PIGT: variants seen among roughly 807,000 people sequenced by gnomAD.
PIGT encodes GPI-anchor transamidase component PIGT.
PIGT carries 57 observed loss-of-function variants against 66.7 expected under a neutral mutation model. That is an observed-to-expected ratio of 0.86 (90% CI 0.69 to 1.07). The LOEUF (loss-of-function observed/expected upper bound fraction) is 1.07, where lower values mean the gene tolerates loss of function less well. Among genes scored for constraint, PIGT ranks in the 50% least tolerant of loss-of-function variants. The pLI is 0.00. For missense variants in PIGT, 725 were observed against 740.4 expected (o/e 0.98, Z 0.24); for synonymous variants, 362 against 320.5 (o/e 1.13, Z -1.38).
intron 9 of PIGT, chr20:45,422,998 G>T (rs1990464646): frequency 6.6e-6 from 1 of 151,042 alleles, no homozygotes; most frequent in Non-Finnish European, 1.5e-5. Context: ...CTTGAGTCCA[G>T]GAGTTCGAAA....
Position 45,420,377 on chromosome 20 carries a change from G to GC in PIGT, c.820dup (p.Leu274ProfsTer46). Reference sequence around the variant, plus strand: ...TTCTCCCGAACCCTCACGGAGCCCTGCCCCCTGGCTTCAGAGAGCCGAGTC... The same window carrying GC: ...TTCTCCCGAACCCTCACGGAGCCCTGCCCCCCTGGCTTCAGAGAGCCGAGTC... On this transcript the variant is annotated frameshift_variant, in exon 7 of 12. Transcript: ENST00000279036. LOFTEE classifies it high-confidence loss of function. 1 of 1,613,574 alleles carries GC rather than the reference G, an allele frequency of 6.2e-7. No homozygotes were observed. The highest frequency in any genetic ancestry group is 8.5e-7 in the Non-Finnish European group (1 of 1,179,900).
Position 45,416,577 on chromosome 20 carries a change from G to A in PIGT, c.248G>A (p.Arg83Gln), listed in dbSNP as rs753279974. 6.2e-7 allele frequency: 1 copy of A among 1,614,152 alleles called. No individual in the cohort carries two copies. The highest frequency in any genetic ancestry group is 8.5e-7 in the Non-Finnish European group (1 of 1,180,012). ...CAGCTGATCTCCAAGTATTCTCTAC[G>A]GGAGCTGCACCTGTCATTCACACAA... The part of the protein sequence containing the change: ...LGQLISKYSL[R>Q]ELHLSFTQGF... The change falls in exon 2 of 12, where the codon CGG (arginine) becomes CAG (glutamine). Residue 83 changes from arginine to glutamine, a missense_variant. Transcript: ENST00000279036.
In PIGT at chr20:45,424,366, A is replaced by G; in HGVS notation, c.1385A>G (p.His462Arg). 2 of 1,614,026 alleles carry G rather than the reference A, an allele frequency of 1.2e-6. No homozygotes were observed. Among genetic ancestry groups the G allele is most frequent in the Non-Finnish European group, 1.7e-6 (2 of 1,180,018 alleles). ...KWTEYTPDPNHGFYVSPSVLS... is the reference protein window; with the variant it reads ...KWTEYTPDPNRGFYVSPSVLS... Reference sequence around the variant, plus strand: ...ACCGAGTACACGCCAGATCCTAACCATGGCTTCTATGTCAGGTGGGCTCCA... The same window carrying G: ...ACCGAGTACACGCCAGATCCTAACCGTGGCTTCTATGTCAGGTGGGCTCCA... Residue 462 changes from histidine (H) to arginine (R), a missense_variant, in exon 10 of 12, where the codon CAT becomes CGT. Physicochemically the swap from His to Arg is conservative, Grantham distance 29. Around this residue, in one of 3 missense-constraint regions of PIGT, gnomAD observed 162 missense variants for 171.1 expected, o/e 0.95. Coordinates refer to ENST00000279036, the MANE Select transcript of PIGT (RefSeq NM_015937.6).
chr20:45,423,831 G>A (rs1990539479), intron 9 of PIGT: 1 of 235,338 alleles, frequency 4.2e-6, no homozygotes. Context: ...TATATTTCTT[G>A]TGTGTTGGTG....
chr20:45,416,158 TGGC>T lies in PIGT; in HGVS notation c.9_11del (p.Ala4?), dbSNP rs775389368. 6.4e-7 allele frequency: 1 copy of T among 1,558,212 alleles called. No homozygotes were observed. Among genetic ancestry groups the T allele is most frequent in the Non-Finnish European group, 8.7e-7 (1 of 1,153,502 alleles). ...GGGTAGGCGGAAGTAGCCGCAGGCATGGCGGCGGCTATGCCGCTTGCTCTGCTC... is the reference window on the plus strand; with the variant it reads ...GGGTAGGCGGAAGTAGCCGCAGGCATGGCGGCTATGCCGCTTGCTCTGCTC... On this transcript the variant is annotated start_lost and inframe_deletion, in exon 1 of 12. Coordinates refer to ENST00000279036, the MANE Select transcript of PIGT (RefSeq NM_015937.6).
chr20:45,425,885 G>A lies in PIGT; in HGVS notation c.*59G>A. 6.4e-7 allele frequency: 1 copy of A among 1,569,686 alleles called. No homozygotes were observed. The highest frequency in any genetic ancestry group is 8.6e-7 in the Non-Finnish European group (1 of 1,158,262). ...TCTCTCTGGGGAGGGGAGCCCAAGG[G>A]CTGTTTCTGCCACTTGCTCTCCTCA... On this transcript the variant is annotated 3_prime_UTR_variant, in exon 12 of 12. Transcript: ENST00000279036.
Position 45,418,927 on chromosome 20 carries a change from CA to C in PIGT, c.442del (p.Thr148ProfsTer58), listed in dbSNP as rs1384484646. The C allele has an allele frequency of 6.2e-7, 1 of 1,614,114 alleles. No individual in the cohort carries two copies. The highest frequency in any genetic ancestry group is 1.3e-5 in the African/African-American group (1 of 75,034). ...GCGCCTCTCTCAACTTCATCGACTC[CA>C]CCAACACAGTCACTCCCACTGCCTC... ...FCASLNFIDS[T>X]NTVTPTASFK... On this transcript the variant is annotated frameshift_variant, in exon 3 of 12. Transcript: ENST00000279036. LOFTEE classifies it high-confidence loss of function.
chr20:45,418,712 G>T, intron 2 of PIGT, 140 bp from the exon 3 acceptor site: 2 of 1,053,618 alleles, frequency 1.9e-6, no homozygotes, highest in Non-Finnish European at 2.9e-6. Context: ...GGGCAGCAAT[G>T]TTCCAGCTCC....
intron 2 of PIGT, chr20:45,417,143 A>G (rs1990033602): frequency 1.3e-5 from 2 of 153,666 alleles, no homozygotes; most frequent in African/African-American, 4.8e-5. Flanking sequence ...CCTACTACAA[A>G]CCGCTATTTC....
Position 45,419,511 on chromosome 20 carries a change from T to C in PIGT, c.602T>C (p.Leu201Pro), listed in dbSNP as rs1555876854. The change falls in exon 5 of 12, where the codon CTC (leucine) becomes CCC (proline). Residue 201 changes from leucine (L) to proline (P), a missense_variant. Physicochemically the swap from Leu to Pro is moderately conservative, Grantham distance 98. This residue lies in a region of PIGT where 559 missense variants were observed against 552.7 expected (regional missense o/e 1.01). Transcript: ENST00000279036. Reference protein sequence around the residue: ...KLLPCSSKAGLSVLLKADRLF... With the variant: ...KLLPCSSKAGPSVLLKADRLF... The stretch of plus-strand genomic sequence containing the variant: ...TCTTTCCATCTCCTCCAGGCAGGCC[T>C]CTCTGTGCTGCTGAAGGCAGATCGC... 3.1e-6 allele frequency: 5 copies of C among 1,614,182 alleles called. No individual in the cohort carries two copies. Among genetic ancestry groups the C allele is most frequent in the Non-Finnish European group, 4.2e-6 (5 of 1,180,008 alleles).
chr20:45,423,995 A>C (rs1170856935), intron 9 of PIGT: 17 of 568,716 alleles, frequency 3.0e-5, no homozygotes, highest in South Asian at 1.9e-4. Context: ...CATCTGCAGC[A>C]CTCCTAACAA....
At position 45,424,589 on chromosome 20, in the gene PIGT, A is replaced by C. The variant is rs372808382; in HGVS notation, c.1484+10A>C. ...CCCTCTTCAACAGCCTGTAAGTGTG[A>C]CCACACTCACTGATAACACATCCTC... is the stretch of plus-strand genomic sequence containing the variant. On this transcript the variant is annotated intron_variant, in intron 11 of 11. Coordinates refer to ENST00000279036, the MANE Select transcript of PIGT (RefSeq NM_015937.6). 15 of 1,604,102 alleles carry C rather than the reference A, an allele frequency of 9.4e-6. No homozygotes were observed. The African/African-American group carries it at 2.0e-4, about 21-fold the overall frequency.
intron 1 of PIGT, 85 bp downstream of exon 1, chr20:45,416,428 C>A: frequency 6.4e-7 from 1 of 1,556,540 alleles, no homozygotes; most frequent in South Asian, 1.2e-5. Flanking sequence ...ACTTTGGGGG[C>A]GGGGCCTAAT....
intron 3 of PIGT, 40 bp downstream of exon 3, chr20:45,419,019 C>T: frequency 1.2e-6 from 2 of 1,613,068 alleles, no homozygotes; most frequent in Non-Finnish European, 1.7e-6. Context: ...TTCCTCTTAC[C>T]TCCTGCCCAA....
intron 8 of PIGT, 73 bp from the exon 9 acceptor site, chr20:45,421,310 T>C: frequency 7.5e-7 from 1 of 1,335,772 alleles, no homozygotes; most frequent in South Asian, 1.4e-5. Context: ...ACTCTGAACA[T>C]GGCCTGGGCA....
In PIGT at chr20:45,421,459, A is replaced by G. The variant is rs1043749731; in HGVS notation, c.1110A>G (p.Thr370=). 2 of 1,614,032 alleles carry G rather than the reference A, an allele frequency of 1.2e-6. No homozygotes were observed. Among genetic ancestry groups the G allele is most frequent in the Non-Finnish European group, 8.5e-7 (1 of 1,180,012 alleles). ...GYGLQKGELS[T]LLYNTHPYRA... ...GGCTGCAGAAGGGGGAGCTGAGCACACTGCTGTACAACACCCACCCATACC... is the reference window on the plus strand; with the variant it reads ...GGCTGCAGAAGGGGGAGCTGAGCACGCTGCTGTACAACACCCACCCATACC... The change falls in exon 9 of 12, where the codon ACA becomes ACG. Residue 370 remains threonine, a synonymous_variant. Transcript: ENST00000279036.
intron 3 of PIGT, 91 bp downstream of exon 3, chr20:45,419,070 C>G: frequency 6.5e-7 from 1 of 1,534,014 alleles, no homozygotes; most frequent in Non-Finnish European, 9.0e-7. Context: ...CTTCCTCAGC[C>G]TGGGCTAGAT....
Position 45,425,816 on chromosome 20 carries a change from C to T in PIGT, c.1727C>T (p.Pro576Leu). Residue 576 changes from proline (P) to leucine (L), a missense_variant, in exon 12 of 12, where the codon CCC becomes CTC. Around this residue, in one of 3 missense-constraint regions of PIGT, gnomAD observed 162 missense variants for 171.1 expected, o/e 0.95. Transcript: ENST00000279036. ...ANLIRRARGV[P>L]PL Reference sequence around the variant, plus strand: ...CTTATCCGGCGCGCCCGAGGTGTCCCCCCACTCTGATTCTTGCCCTTTCCA... The same window carrying T: ...CTTATCCGGCGCGCCCGAGGTGTCCTCCCACTCTGATTCTTGCCCTTTCCA... 1 of 1,613,428 alleles carries T rather than the reference C, an allele frequency of 6.2e-7. No individual in the cohort carries two copies. Among genetic ancestry groups the T allele is most frequent in the Non-Finnish European group, 8.5e-7 (1 of 1,179,636 alleles).
chr20:45,425,554 C>A lies in PIGT; in HGVS notation c.1485-20C>A. The A allele has an allele frequency of 6.2e-7, 1 of 1,609,296 alleles. No homozygotes were observed. The highest frequency in any genetic ancestry group is 1.1e-5 in the South Asian group (1 of 90,788). On this transcript the variant is annotated intron_variant, in intron 11 of 11. Transcript: ENST00000279036. ...GGAGGAGCAGCCAGTCCTGTCTCAC[C>A]GCTCTTCCCCTGACCCCAGGTTCCC... is the stretch of plus-strand genomic sequence containing the variant.
Sources: allele counts gnomAD v4.1 joint callset, GRCh38; gene constraint gnomAD v4.1.1; regional missense constraint gnomAD v4.1.1; transcripts MANE v1.5; gene names NCBI Gene and HGNC (gene_info 2026-07-23, HGNC 2026-07-21).